SCRIB: variants seen among roughly 807,000 people sequenced by gnomAD.
SCRIB encodes the protein scribble planar cell polarity protein, also known as protein scribble homolog.
SCRIB carries 72 observed loss-of-function variants against 170.0 expected under a neutral mutation model. That is an observed-to-expected ratio of 0.42 (90% CI 0.35 to 0.52). The LOEUF is 0.52. Ranked by LOEUF, SCRIB falls within the 20% of genes least tolerant of loss-of-function variation. The pLI is 0.02. For synonymous variants in SCRIB, 1,298 were observed against 1,044.3 expected (o/e 1.24, Z -4.68); for missense variants, 2,475 against 2,338.5 (o/e 1.06, Z -1.20).
chr8:143,804,252 C>G lies in SCRIB; in HGVS notation c.3010-96G>C, dbSNP rs1221118119. On this transcript the variant is annotated intron_variant, in intron 21 of 36. Coordinates refer to ENST00000356994, the MANE Select transcript of SCRIB (RefSeq NM_182706.5). Reference sequence around the variant, plus strand: ...AGTCCGTCCCGGTCCTTGGGGATGGCGGGCGGGGGCTGCCCTAATGCCCAC... The same window carrying G: ...AGTCCGTCCCGGTCCTTGGGGATGGGGGGCGGGGGCTGCCCTAATGCCCAC... 5.4e-6 allele frequency: 5 copies of G among 926,416 alleles called. No homozygotes were observed. The Admixed American group carries it at 1.2e-4, about 21-fold the overall frequency. The allele number at this position is 926,416 out of a possible 1,614,324, so 57.4% of individuals were successfully genotyped here.
At chr8:143,797,323 G>C (rs141257297) in intron 24 of SCRIB, among the ~76,000 whole-genome samples, 3 of 152,350 alleles carry the variant, frequency 2.0e-5, no homozygotes, top group African/African-American at 7.2e-5. Context: ...ACTCCCTTGT[G>C]AGCCCACGTG....
At chr8:143,791,784 A>C in intron 34 of SCRIB, 44 bp from the exon 35 acceptor site, 1 of 926,504 alleles carries the variant, frequency 1.1e-6, no homozygotes, top group Non-Finnish European at 1.5e-6. Context: ...GTGAGAGGAA[A>C]GGGGGGGATG....
chr8:143,804,384 G>T (rs1379556668), intron 21 of SCRIB, among the ~76,000 whole-genome samples, 184 bp downstream of exon 21: 2 of 152,250 alleles, frequency 1.3e-5, no homozygotes, highest in African/African-American at 4.8e-5. Context: ...CTGTGTCAAG[G>T]GGACCATACT....
At chr8:143,809,791 C>T (rs936550728) in intron 13 of SCRIB, 73 bp from the exon 14 acceptor site, 58 of 1,531,134 alleles carry the variant, frequency 3.8e-5, no homozygotes, top group Middle Eastern at 1.8e-4. Context: ...ATGCCCCCCA[C>T]GTGGCAGGCC....
In SCRIB at chr8:143,804,659, C is replaced by A; in HGVS notation, c.2918G>T (p.Ser973Ile). 6.5e-7 allele frequency: 1 copy of A among 1,547,736 alleles called. No individual in the cohort carries two copies. Residue 973 changes from serine to isoleucine, a missense_variant, in exon 21 of 37, where the codon AGC becomes ATC. Ser to Ile is a moderately radical substitution (Grantham distance 142, BLOSUM62 -2). Transcript: ENST00000356994. ...CACCCCGGGGGTGGCAGTGGTTATGCTGGTGGTGGCAACAGCAGCGGTGGG... is the reference window on the plus strand; with the variant it reads ...CACCCCGGGGGTGGCAGTGGTTATGATGGTGGTGGCAACAGCAGCGGTGGG... Reference protein sequence around the residue: ...SPPTAAVATTSITTATPGVPG... With the variant: ...SPPTAAVATTIITTATPGVPG...
Position 143,808,635 on chromosome 8 carries a change from C to G in SCRIB, c.2089G>C (p.Ala697Pro), listed in dbSNP as rs1047581743. 1.3e-6 allele frequency: 2 copies of G among 1,512,826 alleles called. No homozygotes were observed. The highest frequency in any genetic ancestry group is 1.8e-6 in the Non-Finnish European group (2 of 1,131,640). 93.7% of individuals were successfully genotyped at this position (1,512,826 alleles called of 1,614,324 possible). A position where few individuals can be genotyped will look rare whatever the true frequency, so the allele number is the denominator to read the frequency against. Reference protein sequence around the residue: ...ASTEEEDKEGAVVSAPSVKGV... With the variant: ...ASTEEEDKEGPVVSAPSVKGV... Reference sequence around the variant, plus strand: ...TTGACAGAGGGCGCAGAAACCACGGCCCCCTCCTTGTCCTCCTCCTCAGTG... The same window carrying G: ...TTGACAGAGGGCGCAGAAACCACGGGCCCCTCCTTGTCCTCCTCCTCAGTG... The change falls in exon 15 of 37, where the codon GCC becomes CCC. Residue 697 changes from alanine (A) to proline (P), a missense_variant. Physicochemically the swap from Ala to Pro is conservative, Grantham distance 27 (BLOSUM62 -1). Coordinates refer to ENST00000356994, the MANE Select transcript of SCRIB (RefSeq NM_182706.5).
chr8:143,806,814 G>T, intron 17 of SCRIB, 110 bp downstream of exon 17: 1 of 822,266 alleles, frequency 1.2e-6, no homozygotes, highest in Non-Finnish European at 1.9e-6. Context: ...CCCAGCCCGT[G>T]TCCCCAGAGC....
chr8:143,797,769 G>C (rs1490357496), intron 24 of SCRIB, among the ~76,000 whole-genome samples: 2 of 152,250 alleles, frequency 1.3e-5, no homozygotes, highest in African/African-American at 4.8e-5. Flanking sequence ...AGCAAAGACA[G>C]AGGCACGCTC....
rs782099608 is a variant in SCRIB at position 143,805,173 on chromosome 8, C to T, written c.2609G>A (p.Arg870Lys). Residue 870 changes from arginine (R) to lysine (K), a missense_variant, in exon 19 of 37, where the codon AGG (arginine) becomes AAG (lysine). By Grantham distance (26) the Arg-to-Lys change is conservative. Around this residue, in one of 3 missense-constraint regions of SCRIB, gnomAD observed 1,966 missense variants for 1,742.9 expected, o/e 1.13. Transcript: ENST00000356994. ...ACCAGCAATGCTGAAGCCCAGCCCC[C>T]TCTCGCTGCGTGCCAGGCAGGCCAC... ...RHVACLARSERGLGFSIAGGK... is the reference protein window; with the variant it reads ...RHVACLARSEKGLGFSIAGGK... 6.4e-6 allele frequency: 10 copies of T among 1,574,716 alleles called. No homozygotes were observed. Among genetic ancestry groups the T allele is most frequent in the Admixed American group, 3.5e-5 (2 of 56,614 alleles).
Position 143,810,828 on chromosome 8 carries a change from G to A in SCRIB, c.1274-12C>T, listed in dbSNP as rs748709755. On this transcript the variant is annotated splice_polypyrimidine_tract_variant and intron_variant, in intron 11 of 36. Transcript: ENST00000356994. ...CTGCCCAGCATCCTCTGCAGCAGGT[G>A]AGCGTCAGGACCCAGGCTAGTCCCC... The A allele has an allele frequency of 4.4e-6, 7 of 1,601,370 alleles. No individual in the cohort carries two copies. Among genetic ancestry groups the A allele is most frequent in the Non-Finnish European group, 4.3e-6 (5 of 1,176,460 alleles).
Position 143,795,514 on chromosome 8 carries a change from A to G in SCRIB, c.3620T>C (p.Ile1207Thr). 6.2e-7 allele frequency: 1 copy of G among 1,612,656 alleles called. No individual in the cohort carries two copies. ...DAALEVSPGV[I>T]ANPFAAGIGH... ...GATGCCTGCCGCAAAGGGGTTGGCA[A>G]TGACACCTGGGGACACCTGAGAAGA... The change falls in exon 25 of 37, where the codon ATT becomes ACT. Residue 1207 changes from isoleucine (I) to threonine (T), a missense_variant. Around this residue, in one of 3 missense-constraint regions of SCRIB, gnomAD observed 1,966 missense variants for 1,742.9 expected, o/e 1.13. Transcript: ENST00000356994.
chr8:143,815,649 G>GGCC lies in SCRIB; in HGVS notation c.-278_-277insGGC, dbSNP rs570691403. 4.1e-4 allele frequency: 407 copies of GGCC among 983,078 alleles called. 3 individuals carry two copies. The African/African-American group carries it at 6.7e-3, about 16-fold the overall frequency. The allele number at this position is 983,078 out of a possible 1,614,324, so 60.9% of individuals were successfully genotyped here. On this transcript the variant is annotated 5_prime_UTR_variant, in exon 1 of 37. Transcript: ENST00000356994. ...GCGGCGGCGGCTCCGCATCCCGCTT[G>GGCC]GTCCTGCTCAGCTCGTCCCGCCCGC...
At position 143,804,101 on chromosome 8, in the gene SCRIB, G is replaced by T. The variant is rs782281879; in HGVS notation, c.3065C>A (p.Ser1022Tyr). Residue 1022 changes from serine to tyrosine, a missense_variant, in exon 22 of 37, where the codon TCC (serine) becomes TAC (tyrosine). Coordinates refer to ENST00000356994, the MANE Select transcript of SCRIB (RefSeq NM_182706.5). ...GPLGLSIVGG[S>Y]DHSSHPFGVQ... ...ACCAAACGGGTGGCTGGAATGGTCGGAGCCTCCGACAATACTAAGCCCCAG... is the reference window on the plus strand; with the variant it reads ...ACCAAACGGGTGGCTGGAATGGTCGTAGCCTCCGACAATACTAAGCCCCAG... The T allele has an allele frequency of 3.1e-6, 5 of 1,612,960 alleles. No individual in the cohort carries two copies. The highest frequency in any genetic ancestry group is 4.2e-6 in the Non-Finnish European group (5 of 1,179,552).
At chr8:143,814,900 C>A in intron 1 of SCRIB, 1 of 387,916 alleles carries the variant, frequency 2.6e-6, no homozygotes, top group Non-Finnish European at 4.7e-6. Context: ...AGCTAGTACT[C>A]ATCAGCCACC....
intron 1 of SCRIB, among the ~76,000 whole-genome samples, chr8:143,814,568 G>A (rs1009307870): frequency 9.9e-5 from 15 of 152,246 alleles, no homozygotes; most frequent in Admixed American, 7.8e-4. Flanking sequence ...TGCTACGCGC[G>A]AGGCCTGCAG....
rs1283297535 is a variant in SCRIB at position 143,805,249 on chromosome 8, G to A, written c.2533C>T (p.Arg845Cys). 22 of 1,533,684 alleles carry A rather than the reference G, an allele frequency of 1.4e-5. No homozygotes were observed. Among genetic ancestry groups the A allele is most frequent in the Admixed American group, 1.2e-4 (6 of 50,760 alleles). ...CTCTCAGGCGGGAGCAGGGGCAGGC[G>A]CAGCCCCCCTCCCCGCCGCTCTCGG... ...SPRERRGGGL[R>C]LPLLPPESPG... The change falls in exon 19 of 37, where the codon CGC becomes TGC. Residue 845 changes from arginine to cysteine, a missense_variant. Arg to Cys is a radical substitution (Grantham distance 180). This residue lies in a region of SCRIB where 1,966 missense variants were observed against 1,742.9 expected (regional missense o/e 1.13). Transcript: ENST00000356994.
At chr8:143,815,024 G>A (rs1816002296) in intron 1 of SCRIB, 190 bp downstream of exon 1, 3 of 617,964 alleles carry the variant, frequency 4.9e-6, no homozygotes, top group Non-Finnish European at 7.8e-6. Context: ...AGCACCTGAT[G>A]ACCGCTGCCA....
chr8:143,812,610 C>T (rs1815793903), intron 8 of SCRIB, among the ~76,000 whole-genome samples: 1 of 152,196 alleles, frequency 6.6e-6, no homozygotes, highest in Admixed American at 6.5e-5. Flanking sequence ...TCACAGACTC[C>T]ACCGCCCCCT....
intron 2 of SCRIB, 27 bp from the exon 3 acceptor site, chr8:143,813,923 A>C: frequency 6.2e-7 from 1 of 1,603,776 alleles, no homozygotes; most frequent in Non-Finnish European, 8.5e-7. Flanking sequence ...CAGTGGACAG[A>C]TGCCATGGCC....
Sources: allele counts gnomAD v4.1 joint callset (sites outside exome capture counted in the v4.1 genomes callset), GRCh38; gene constraint gnomAD v4.1.1; regional missense constraint gnomAD v4.1.1; transcripts MANE v1.5; gene names NCBI Gene and HGNC (gene_info 2026-07-23, HGNC 2026-07-21).